The following CACNA1G variants were observed in gnomAD, a reference collection of about 807,000 sequenced individuals.
The protein encoded by CACNA1G is voltage-dependent T-type calcium channel subunit alpha-1G.
Under a neutral mutation model 219.4 loss-of-function variants are expected in CACNA1G, and 67 were observed. That is an observed-to-expected ratio of 0.31 (90% CI 0.25 to 0.37). The LOEUF (loss-of-function observed/expected upper bound fraction) is 0.37. Among genes scored for constraint, CACNA1G ranks in the 10% least tolerant of loss-of-function variants. The pLI, the probability that CACNA1G is intolerant of heterozygous loss-of-function variation, is 1.00. For missense variants in CACNA1G, 2,380 were observed against 3,231.4 expected (o/e 0.74, Z 6.39); for synonymous variants, 1,296 against 1,345.3 (o/e 0.96, Z 0.80).
At chr17:50,613,713 G>A (rs912074785) in intron 26 of CACNA1G, among the ~76,000 whole-genome samples, 9 of 152,196 alleles carry the variant, frequency 5.9e-5, no homozygotes, top group Admixed American at 2.0e-4. Context: ...GGGTGCTCTC[G>A]GCATTTATGG....
At position 50,626,505 on chromosome 17, in the gene CACNA1G, G is replaced by A. The variant is rs754706661; in HGVS notation, c.6888G>A (p.Gly2296=). Residue 2296 remains glycine (G), a synonymous_variant, in exon 38 of 38, where the codon GGG becomes GGA. Transcript: ENST00000359106. The surrounding 1 kb of genome is among the most constrained non-coding windows in gnomAD (Gnocchi z 4.3). ...CTAACCTTGGGGGCCAGCCTCTTGG[G>A]GGGCCTGGGAGCCGGCCCAAGAAAA... ...DPSNLGGQPL[G]GPGSRPKKKL... is the part of the protein sequence containing the mutation. 3.8e-6 allele frequency: 6 copies of A among 1,581,312 alleles called. No individual in the cohort carries two copies. The highest frequency in any genetic ancestry group is 1.2e-5 in the South Asian group (1 of 86,904).
intron 26 of CACNA1G, among the ~76,000 whole-genome samples, chr17:50,614,919 G>T (rs935167606): frequency 6.6e-6 from 1 of 152,196 alleles, no homozygotes; most frequent in African/African-American, 2.4e-5. Flanking sequence ...CTGCTCCCCC[G>T]AGGGGCTGAG....
At position 50,607,108 on chromosome 17, in the gene CACNA1G, C is replaced by G. The variant is rs376796769; in HGVS notation, c.4512+119C>G. ...GCCATGAAAGAAGCATCATATTTTA[C>G]AGCAGAGGCTGTTGCTGGTAGCCTG... On this transcript the variant is annotated intron_variant, in intron 24 of 37. Transcript: ENST00000359106. 6 of 799,154 alleles carry G rather than the reference C, an allele frequency of 7.5e-6. No individual in the cohort carries two copies. In the African/African-American group the frequency reaches 1.0e-4, roughly 14 times the overall value. 49.5% of individuals were successfully genotyped at this position (799,154 alleles called of 1,614,324 possible). A position where few individuals can be genotyped will look rare whatever the true frequency, so the allele number is the denominator to read the frequency against.
chr17:50,571,000 C>T (rs1304238816), intron 4 of CACNA1G, among the ~76,000 whole-genome samples: 6 of 152,072 alleles, frequency 3.9e-5, no homozygotes, highest in Admixed American at 6.5e-5. Context: ...GTCTGCTTGA[C>T]GAGGGCTTGG....
rs189659937 is a variant in CACNA1G at position 50,603,050 on chromosome 17, G to A, written c.4020G>A (p.Ala1340=). The change falls in exon 21 of 38, where the codon GCG becomes GCA. Residue 1340 remains alanine, a synonymous_variant. Coordinates refer to ENST00000359106, the MANE Select transcript of CACNA1G (RefSeq NM_018896.5). This position sits in a 1 kb window ranked among gnomAD's most constrained non-coding sequence, Gnocchi z 6.4. ...VALGWCFGEQ[A]YLRSSWNVLD... ...TGGGCTGGTGCTTCGGGGAGCAGGC[G>A]TACCTGCGGAGCAGTTGGAACGTGC... is the stretch of plus-strand genomic sequence containing the variant. The A allele has an allele frequency of 6.8e-6, 11 of 1,613,308 alleles. No individual in the cohort carries two copies. Among genetic ancestry groups the A allele is most frequent in the Middle Eastern group, 3.3e-4 (2 of 6,046 alleles).
chr17:50,592,910 C>T (rs991329496), intron 13 of CACNA1G, among the ~76,000 whole-genome samples: 4 of 152,170 alleles, frequency 2.6e-5, no homozygotes, highest in African/African-American at 9.7e-5. Context: ...TCTATAAATA[C>T]CTGGCACACG....
At position 50,575,711 on chromosome 17, in the gene CACNA1G, C is replaced by T; in HGVS notation, c.1309C>T (p.Leu437Phe). ...SEPGSCYEELLKYLVYILRKA... is the reference protein window; with the variant it reads ...SEPGSCYEELFKYLVYILRKA... ...GCCCGGCAGCTGCTATGAGGAGCTG[C>T]TCAAGTACCTGGTGTACATCCTTCG... Residue 437 changes from leucine (L) to phenylalanine (F), a missense_variant, in exon 8 of 38, where the codon CTC becomes TTC. Leu to Phe is a conservative substitution (Grantham distance 22). Around this residue, in one of 17 missense-constraint regions of CACNA1G, gnomAD observed 72 missense variants for 175.8 expected, o/e 0.41. Transcript: ENST00000359106. The T allele has an allele frequency of 6.2e-7, 1 of 1,602,398 alleles. No individual in the cohort carries two copies. The highest frequency in any genetic ancestry group is 8.5e-7 in the Non-Finnish European group (1 of 1,174,458).
intron 9 of CACNA1G, among the ~76,000 whole-genome samples, chr17:50,580,454 C>T (rs1179803116): frequency 6.6e-6 from 1 of 152,162 alleles, no homozygotes; most frequent in East Asian, 1.9e-4. Context: ...CCCAGCAGTC[C>T]CTGCCCAGCC....
chr17:50,590,361 C>T, intron 9 of CACNA1G, 110 bp from the exon 10 acceptor site: 1 of 1,249,026 alleles, frequency 8.0e-7, no homozygotes, highest in Non-Finnish European at 1.2e-6. Context: ...AACCCCTCCG[C>T]ACAAGCTTGC....
At chr17:50,574,687 C>T (rs2040242375) in intron 7 of CACNA1G, among the ~76,000 whole-genome samples, 1 of 152,152 alleles carries the variant, frequency 6.6e-6, no homozygotes, top group South Asian at 2.1e-4. Context: ...CCTAACAGCT[C>T]TCTGGAATCA....
chr17:50,579,182 G>A (rs2041370200), intron 9 of CACNA1G, among the ~76,000 whole-genome samples: 1 of 152,320 alleles, frequency 6.6e-6, no homozygotes, highest in Admixed American at 6.5e-5. Flanking sequence ...CATCGCGTTT[G>A]AGGAATGATT....
rs771730111 is a variant in CACNA1G at position 50,578,286 on chromosome 17, G to A, written c.2023G>A (p.Ala675Thr). Residue 675 changes from alanine (A) to threonine (T), a missense_variant, in exon 9 of 38, where the codon GCA becomes ACA. Transcript: ENST00000359106. The surrounding 1 kb of genome is among the most constrained non-coding windows in gnomAD (Gnocchi z 4.5). ...CTGCCCCTACTGTGCCCGGGCCGGG[G>A]CAGGGGAGGTGGAGCTCGCCGACCG... is the stretch of plus-strand genomic sequence containing the variant. Reference protein sequence around the residue: ...DSCPYCARAGAGEVELADREM... With the variant: ...DSCPYCARAGTGEVELADREM... The A allele has an allele frequency of 1.9e-6, 3 of 1,613,038 alleles. No individual in the cohort carries two copies. The highest frequency in any genetic ancestry group is 1.3e-5 in the African/African-American group (1 of 74,930).
Position 50,624,049 on chromosome 17 carries a change from G to T in CACNA1G, c.6203G>T (p.Gly2068Val). Residue 2068 changes from glycine (G) to valine (V), a missense_variant, in exon 36 of 38, where the codon GGC becomes GTC. This residue lies in a region of CACNA1G where 672 missense variants were observed against 670.5 expected (regional missense o/e 1.00). Transcript: ENST00000359106. ...STAEGPLGHRGWGLPKAQSGS... is the reference protein window; with the variant it reads ...STAEGPLGHRVWGLPKAQSGS... ...GCCGAGGGGCCCCTGGGACACAGGG[G>T]CTGGGGGCTCCCCAAAGCTCAGTCA... 6.2e-7 allele frequency: 1 copy of T among 1,612,792 alleles called. No individual in the cohort carries two copies. The highest frequency in any genetic ancestry group is 8.5e-7 in the Non-Finnish European group (1 of 1,179,662).
Position 50,561,319 on chromosome 17 carries a change from G to A in CACNA1G, c.-141G>A. ...CGGGCAGGGGGAGCTGGGCTGAACT[G>A]GCCCTCCCGGGGGCTCAGCTTGCGC... On this transcript the variant is annotated 5_prime_UTR_variant, in exon 1 of 38. An upstream open reading frame in the 5' UTR gains an earlier in-frame stop. Coordinates refer to ENST00000359106, the MANE Select transcript of CACNA1G (RefSeq NM_018896.5). The A allele has an allele frequency of 9.7e-7, 1 of 1,028,636 alleles. No individual in the cohort carries two copies. Among genetic ancestry groups the A allele is most frequent in the Non-Finnish European group, 1.4e-6 (1 of 716,884 alleles). The allele number at this position is 1,028,636 out of a possible 1,614,324, so 63.7% of individuals were successfully genotyped here.
At position 50,572,297 on chromosome 17, in the gene CACNA1G, T is replaced by C. The variant is rs116348602; in HGVS notation, c.747-257T>C. Among the ~76,000 whole-genome samples, 1,385 of 152,236 alleles carry C rather than the reference T, an allele frequency of 9.1e-3. 21 individuals carry two copies. Among genetic ancestry groups the C allele is most frequent in the African/African-American group, 0.031 (1,292 of 41,538 alleles). On this transcript the variant is annotated intron_variant, in intron 5 of 37. Transcript: ENST00000359106. ...AGGATTTTTTCAACCCCTCCAGTGA[T>C]CCTAACTTGCAGTGAAATTTGAAAA...
At chr17:50,601,203 G>A (rs2046556333) in intron 19 of CACNA1G, 29 bp downstream of exon 19, 1 of 1,612,130 alleles carries the variant, frequency 6.2e-7, no homozygotes, top group Non-Finnish European at 8.5e-7. Flanking sequence ...TCAGGGCAAG[G>A]CCTCTCCTGG....
At chr17:50,584,844 C>T (rs2042695273) in intron 9 of CACNA1G, among the ~76,000 whole-genome samples, 1 of 151,924 alleles carries the variant, frequency 6.6e-6, no homozygotes, top group Admixed American at 6.5e-5. Context: ...GAGAGGAGAC[C>T]TAAGAAGGGA....
chr17:50,610,936 T>C (rs1318249222), intron 26 of CACNA1G, among the ~76,000 whole-genome samples: 1 of 152,094 alleles, frequency 6.6e-6, no homozygotes, highest in Non-Finnish European at 1.5e-5. Flanking sequence ...AGTATAGGGT[T>C]TCTTTCAAGC....
intron 19 of CACNA1G, 106 bp from the exon 20 acceptor site, chr17:50,602,714 T>G: frequency 1.0e-6 from 1 of 974,738 alleles, no homozygotes; most frequent in Non-Finnish European, 1.6e-6. Flanking sequence ...GGGGTCGTTT[T>G]CTGAGTCAAA....
Sources: allele counts gnomAD v4.1 joint callset (sites outside exome capture counted in the v4.1 genomes callset), GRCh38; gene constraint gnomAD v4.1.1; regional missense constraint gnomAD v4.1.1; non-coding constraint Gnocchi (gnomAD v3.1); transcripts MANE v1.5; gene names NCBI Gene and HGNC (gene_info 2026-07-23, HGNC 2026-07-21).